RBBP8: variants seen among roughly 807,000 people sequenced by gnomAD.
RBBP8 encodes DNA endonuclease RBBP8.
Under a neutral mutation model 108.3 loss-of-function variants are expected in RBBP8, and 88 were observed. The observed-to-expected ratio is 0.81, with a 90% confidence interval of 0.68 to 0.97. The LOEUF (loss-of-function observed/expected upper bound fraction) is 0.97. Among genes scored for constraint, RBBP8 ranks in the 50% least tolerant of loss-of-function variants. RBBP8 has a pLI of 0.00. For missense variants in RBBP8, 1,023 were observed against 1,049.0 expected (o/e 0.98, Z 0.34); for synonymous variants, 332 against 348.2 (o/e 0.95, Z 0.52).
upstream of RBBP8, among the ~76,000 whole-genome samples, chr18:22,932,325 C>T (rs1910087133): frequency 6.6e-6 from 1 of 152,114 alleles, no homozygotes; most frequent in South Asian, 2.1e-4. Context: ...TCCTATCTTG[C>T]GTTAAAAATT....
At chr18:23,012,568 C>G (rs577136906) in intron 16 of RBBP8, among the ~76,000 whole-genome samples, 7 of 45,980 alleles carry the variant, frequency 1.5e-4, no homozygotes, top group African/African-American at 2.4e-4. Context: ...AAGCCTCTAA[C>G]TCTATTTAGT....
intron 14 of RBBP8, among the ~76,000 whole-genome samples, chr18:23,000,696 G>A (rs1408587152): frequency 4.0e-5 from 6 of 148,290 alleles, no homozygotes; most frequent in South Asian, 2.1e-4. Context: ...AGCCAATATC[G>A]CCTCACTGCA....
chr18:22,939,630 A>G (rs1292455295), intron 2 of RBBP8, among the ~76,000 whole-genome samples: 3 of 152,220 alleles, frequency 2.0e-5, no homozygotes, highest in African/African-American at 7.2e-5. Context: ...CCCCAAAAGT[A>G]TTCTTTCAAG....
intron 16 of RBBP8, among the ~76,000 whole-genome samples, chr18:23,013,289 G>C (rs2046200358): frequency 6.6e-6 from 1 of 152,148 alleles, no homozygotes; most frequent in Non-Finnish European, 1.5e-5. Flanking sequence ...AGGATAGTTT[G>C]GCAGAGAGGG....
chr18:23,010,116 T>C (rs2046130415), intron 16 of RBBP8, among the ~76,000 whole-genome samples: 1 of 152,206 alleles, frequency 6.6e-6, no homozygotes, highest in African/African-American at 2.4e-5. Flanking sequence ...TATAGCGATA[T>C]TCCTCATTTC....
At chr18:22,952,669 C>T (rs1020168989) in intron 4 of RBBP8, among the ~76,000 whole-genome samples, 17 of 152,158 alleles carry the variant, frequency 1.1e-4, no homozygotes, top group African/African-American at 3.9e-4. Context: ...AAAGCCATCT[C>T]TCCCACTCAC....
At chr18:22,937,146 C>T (rs573863934) in intron 2 of RBBP8, 186 bp downstream of exon 2, 1 of 1,260,120 alleles carries the variant, frequency 7.9e-7, no homozygotes, top group Admixed American at 2.4e-5. Context: ...GATTTCATCA[C>T]CCAGGTAGTG....
At chr18:22,993,925 T>G in intron 12 of RBBP8, 78 bp downstream of exon 12, 1 of 1,456,278 alleles carries the variant, frequency 6.9e-7, no homozygotes. Flanking sequence ...TTTAAATAGA[T>G]TGAATTGTTT....
At chr18:23,008,859 T>C (rs1245033265) in intron 16 of RBBP8, among the ~76,000 whole-genome samples, 2 of 146,940 alleles carry the variant, frequency 1.4e-5, no homozygotes, top group Non-Finnish European at 3.0e-5. Flanking sequence ...CTGCAAGCTC[T>C]GCCTCCTGGG....
At chr18:22,940,348 T>G (rs1910976265) in intron 2 of RBBP8, among the ~76,000 whole-genome samples, 1 of 149,978 alleles carries the variant, frequency 6.7e-6, no homozygotes, top group South Asian at 2.1e-4. Context: ...TGAGACAGAG[T>G]CTTGCTCTGT....
intron 16 of RBBP8, among the ~76,000 whole-genome samples, chr18:23,011,432 T>A (rs1481956400): frequency 1.7e-5 from 2 of 120,512 alleles, no homozygotes; most frequent in African/African-American, 6.3e-5. Context: ...CAGTGATCTT[T>A]GATGCTATTT....
chr18:22,993,133 C>G lies in RBBP8; in HGVS notation c.1306C>G (p.Pro436Ala), dbSNP rs1165592262. The G allele has an allele frequency of 6.2e-7, 1 of 1,613,918 alleles. No individual in the cohort carries two copies. Among genetic ancestry groups the G allele is most frequent in the Non-Finnish European group, 8.5e-7 (1 of 1,179,954 alleles). ...KDSNTDKHLE[P>A]LKSLGGRTSK... ...TTCTAACACTGATAAACATTTGGAG[C>G]CCCTGAAATCATTGGGAGGCCGAAC... is the stretch of plus-strand genomic sequence containing the variant. The change falls in exon 11 of 19, where the codon CCC becomes GCC. Residue 436 changes from proline (P) to alanine (A), a missense_variant. By Grantham distance (27) the Pro-to-Ala change is conservative. Transcript: ENST00000327155.
rs556539034 is a variant in RBBP8, at chr18:22,996,583, G to A, written c.2028+121G>A. On this transcript the variant is annotated intron_variant, in intron 13 of 18. Coordinates refer to ENST00000327155, the MANE Select transcript of RBBP8 (RefSeq NM_002894.3). ...ATCAGATACGTCTTAAAACCTACAT[G>A]TATTTATGCAGAAAATTAAGAAATA... is the stretch of plus-strand genomic sequence containing the variant. 80 of 1,454,950 alleles carry A rather than the reference G, an allele frequency of 5.5e-5. 1 individual carries two copies. The Middle Eastern group carries it at 2.1e-3, about 38-fold the overall frequency. 90.1% of individuals were successfully genotyped at this position (1,454,950 alleles called of 1,614,324 possible).
rs749174131 is a variant in RBBP8, at chr18:23,022,148, C to T, written c.2474C>T (p.Ala825Val). Residue 825 changes from alanine to valine, a missense_variant, in exon 18 of 19, where the codon GCA (alanine) becomes GTA (valine). Coordinates refer to ENST00000327155, the MANE Select transcript of RBBP8 (RefSeq NM_002894.3). ...ECEIYYADMPAEEREKKLASC... is the reference protein window; with the variant it reads ...ECEIYYADMPVEEREKKLASC... ...TATTAGTATTATGCAGATATGCCAGCAGAAGAAAGAGAAAAGAAATTGGCT... is the reference window on the plus strand; with the variant it reads ...TATTAGTATTATGCAGATATGCCAGTAGAAGAAAGAGAAAAGAAATTGGCT... The T allele has an allele frequency of 6.2e-6, 10 of 1,604,006 alleles. No individual in the cohort carries two copies. In the Admixed American group the frequency reaches 8.3e-5, roughly 13 times the overall value.
rs1027735316 is a variant in RBBP8, at chr18:22,951,227, T to C, written c.248+1514T>C. ...GCTCTAGGGGGCTAGGGATGATACTTTTCCTAGTATGTCATGGATTAAATG... is the reference window on the plus strand; with the variant it reads ...GCTCTAGGGGGCTAGGGATGATACTCTTCCTAGTATGTCATGGATTAAATG... On this transcript the variant is annotated intron_variant, in intron 4 of 18. Transcript: ENST00000327155. Among the ~76,000 whole-genome samples the C allele has an allele frequency of 4.3e-4, 65 of 152,176 alleles. 1 individual carries two copies. The highest frequency in any genetic ancestry group is 5.1e-4 in the Non-Finnish European group (35 of 68,036).
At chr18:22,955,723 G>A (rs185137964) in intron 4 of RBBP8, among the ~76,000 whole-genome samples, 140 of 151,496 alleles carry the variant, frequency 9.2e-4, no homozygotes, top group African/African-American at 3.1e-3. Context: ...GACTACAGGC[G>A]CCCACTGCCT....
chr18:22,992,655 G>A (rs1212913739), intron 10 of RBBP8, 93 bp from the exon 11 acceptor site: 25 of 1,064,392 alleles, frequency 2.3e-5, no homozygotes, highest in South Asian at 8.8e-5. Context: ...GCTGTACCTT[G>A]TCTTAAATTT....
At chr18:22,971,627 C>T (rs937604788) in intron 5 of RBBP8, among the ~76,000 whole-genome samples, 1 of 150,264 alleles carries the variant, frequency 6.7e-6, no homozygotes, top group Non-Finnish European at 1.5e-5. Context: ...CTAGGGTGAA[C>T]CAATGTTTAA....
chr18:22,996,363 C>T lies in RBBP8; in HGVS notation c.1940-11C>T, dbSNP rs780119449. 3.1e-6 allele frequency: 5 copies of T among 1,613,008 alleles called. No individual in the cohort carries two copies. The highest frequency in any genetic ancestry group is 1.7e-4 in the Middle Eastern group (1 of 5,980). On this transcript the variant is annotated splice_polypyrimidine_tract_variant and intron_variant, in intron 12 of 18. Coordinates refer to ENST00000327155, the MANE Select transcript of RBBP8 (RefSeq NM_002894.3). ...AGTTTTTTAATTGCATGCTCTTTCC[C>T]TTTACCTAAGATGTATCCTTTGAAA...
Sources: allele counts gnomAD v4.1 joint callset (sites outside exome capture counted in the v4.1 genomes callset), GRCh38; gene constraint gnomAD v4.1.1; transcripts MANE v1.5; gene names NCBI Gene and HGNC (gene_info 2026-07-23, HGNC 2026-07-21).